GRIN2A: variants seen among roughly 807,000 people sequenced by gnomAD.
The protein encoded by GRIN2A is glutamate ionotropic receptor NMDA type subunit 2A.
A neutral mutation model predicts 113.4 loss-of-function variants in GRIN2A; 22 were observed. The ratio of observed to expected loss-of-function variants is 0.19; its 90% CI spans 0.14 to 0.28. GRIN2A has a LOEUF of 0.28. Among genes scored for constraint, GRIN2A ranks in the 10% least tolerant of loss-of-function variants. The pLI, the probability that GRIN2A is intolerant of heterozygous loss-of-function variation, is 1.00. For missense variants in GRIN2A, 1,502 were observed against 1,887.0 expected (o/e 0.80, Z 3.78); for synonymous variants, 827 against 738.4 (o/e 1.12, Z -1.94).
At chr16:10,167,590 A>T (rs998088633) in intron 2 of GRIN2A, among the ~76,000 whole-genome samples, 2 of 152,228 alleles carry the variant, frequency 1.3e-5, no homozygotes, top group African/African-American at 4.8e-5. Context: ...CCCTCCTGAA[A>T]TGGGTAACAT....
intron 5 of GRIN2A, among the ~76,000 whole-genome samples, chr16:9,846,440 T>A (rs2042773745): frequency 6.6e-6 from 1 of 152,216 alleles, no homozygotes; most frequent in African/African-American, 2.4e-5. Context: ...AGCAATCACA[T>A]ATTATATCTT....
chr16:9,984,388 G>A (rs1032562929), intron 2 of GRIN2A, among the ~76,000 whole-genome samples: 4 of 152,112 alleles, frequency 2.6e-5, no homozygotes, highest in African/African-American at 9.7e-5. Flanking sequence ...TTTTGCTGAT[G>A]TTACCTGTGC....
At chr16:10,112,145 C>A (rs12445246) in intron 2 of GRIN2A, 14,067 of 590,614 alleles carry the variant, frequency 0.024, 428 homozygotes, top group African/African-American at 0.11. Context: ...ATGAGGATGA[C>A]AAATACTGCC....
chr16:9,950,238 T>C (rs2045144829), intron 2 of GRIN2A, among the ~76,000 whole-genome samples: 1 of 152,132 alleles, frequency 6.6e-6, no homozygotes, highest in Admixed American at 6.5e-5. Flanking sequence ...ACTGTTTCCC[T>C]CCCCTAATCT....
chr16:9,922,431 C>T (rs751898389), intron 3 of GRIN2A, among the ~76,000 whole-genome samples: 5 of 152,170 alleles, frequency 3.3e-5, no homozygotes, highest in African/African-American at 4.8e-5. Flanking sequence ...CCTATTTCCA[C>T]TACCTCATAA....
chr16:10,078,469 G>A (rs992894309), intron 2 of GRIN2A, among the ~76,000 whole-genome samples: 3 of 71,074 alleles, frequency 4.2e-5, no homozygotes, highest in African/African-American at 1.4e-4. Context: ...AAGACAAGGG[G>A]GGAAAAGCAG....
chr16:9,882,509 G>A (rs527847782), intron 4 of GRIN2A, among the ~76,000 whole-genome samples: 60 of 152,314 alleles, frequency 3.9e-4, no homozygotes, highest in African/African-American at 1.4e-3. Context: ...AGAAGGGGCC[G>A]GGTGCGGTGC....
intron 2 of GRIN2A, among the ~76,000 whole-genome samples, chr16:9,953,803 T>G (rs906505123): frequency 1.3e-5 from 2 of 152,048 alleles, no homozygotes; most frequent in African/African-American, 2.4e-5. Context: ...GGTACTGCTG[T>G]GTGGTGCAGT....
At chr16:9,787,028 CA>C (rs1902271960) in intron 11 of GRIN2A, among the ~76,000 whole-genome samples, 1 of 152,112 alleles carries the variant, frequency 6.6e-6, no homozygotes, top group South Asian at 2.1e-4. Flanking sequence ...CATCACATGA[CA>C]GATAAAGGAG....
At chr16:9,862,294 G>A (rs2043083129) in intron 4 of GRIN2A, among the ~76,000 whole-genome samples, 1 of 152,130 alleles carries the variant, frequency 6.6e-6, no homozygotes, top group Non-Finnish European at 1.5e-5. Flanking sequence ...TTGCCTAATT[G>A]TTACACAGCT....
At chr16:9,893,871 T>C (rs999011938) in intron 3 of GRIN2A, among the ~76,000 whole-genome samples, 6 of 152,378 alleles carry the variant, frequency 3.9e-5, no homozygotes, top group African/African-American at 7.2e-5. Context: ...TCAGGGCTTA[T>C]AGTAAGTCTT....
chr16:10,111,900 C>A lies in GRIN2A; in HGVS notation c.414+68098G>T. On this transcript the variant is annotated intron_variant, in intron 2 of 12. Transcript: ENST00000330684. ...TTCTTGCTGAGAAGGACCACACCAC[C>A]CTCCTCAGTGAGGTGATGACGCCAA... 4.7e-6 allele frequency: 4 copies of A among 855,136 alleles called. No individual in the cohort carries two copies. In the South Asian group the frequency reaches 5.5e-5, roughly 12 times the overall value. The allele number at this position is 855,136 out of a possible 1,614,324, so 53.0% of individuals were successfully genotyped here.
rs1003522521 is a variant in GRIN2A, at chr16:10,145,237, C to T, written c.414+34761G>A. Among the ~76,000 whole-genome samples the T allele has an allele frequency of 1.1e-4, 17 of 152,254 alleles. No individual in the cohort carries two copies. The South Asian group carries it at 3.5e-3, about 32-fold the overall frequency. On this transcript the variant is annotated intron_variant, in intron 2 of 12. Transcript: ENST00000330684. ...TTTAGTTATGCAGGATGAATAAGTT[C>T]TGGAGATCTGCTGGACAACATAGTG...
chr16:9,788,004 T>C (rs1261828994), intron 11 of GRIN2A, among the ~76,000 whole-genome samples: 1 of 152,130 alleles, frequency 6.6e-6, no homozygotes, highest in East Asian at 1.9e-4. Context: ...CTGTGCCTTG[T>C]ACCAACACAC....
At chr16:9,962,700 T>C (rs2045466864) in intron 2 of GRIN2A, among the ~76,000 whole-genome samples, 1 of 152,170 alleles carries the variant, frequency 6.6e-6, no homozygotes. Flanking sequence ...TGGAAGTCGG[T>C]GTGGAAATCG....
At chr16:10,046,873 C>A (rs186685602) in intron 2 of GRIN2A, among the ~76,000 whole-genome samples, 1 of 152,190 alleles carries the variant, frequency 6.6e-6, no homozygotes, top group Non-Finnish European at 1.5e-5. Flanking sequence ...CTTCAGCTAA[C>A]GTTTATTAAG....
intron 2 of GRIN2A, among the ~76,000 whole-genome samples, chr16:10,079,535 G>A (rs1244846208): frequency 4.6e-5 from 7 of 152,170 alleles, no homozygotes; most frequent in African/African-American, 7.2e-5. Context: ...TAGGTCATGA[G>A]GGCCAAGCCC....
intron 2 of GRIN2A, among the ~76,000 whole-genome samples, chr16:10,166,246 C>T (rs1475937069): frequency 6.6e-6 from 1 of 152,198 alleles, no homozygotes. Context: ...GACATTCAGC[C>T]ATTTGTGACA....
chr16:10,162,635 G>A (rs952221698), intron 2 of GRIN2A, among the ~76,000 whole-genome samples: 6 of 152,164 alleles, frequency 3.9e-5, no homozygotes, highest in Non-Finnish European at 7.3e-5. Flanking sequence ...CACCAGTCAT[G>A]TTGGGTTAAG....
Sources: allele counts gnomAD v4.1 joint callset (sites outside exome capture counted in the v4.1 genomes callset), GRCh38; gene constraint gnomAD v4.1.1; transcripts MANE v1.5; gene names NCBI Gene and HGNC (gene_info 2026-07-23, HGNC 2026-07-21).